KANSL1: variants seen among roughly 807,000 people sequenced by gnomAD.
The protein encoded by KANSL1 is KAT8 regulatory NSL complex subunit 1.
KANSL1 carries 22 observed loss-of-function variants against 103.6 expected under a neutral mutation model. That is an observed-to-expected ratio of 0.21 (90% CI 0.15 to 0.30). The LOEUF (loss-of-function observed/expected upper bound fraction) is 0.30, where lower values mean the gene tolerates loss of function less well. KANSL1 is among the 10% of genes least tolerant of loss of function. KANSL1 has a pLI of 1.00. For missense variants in KANSL1, 1,337 were observed against 1,399.8 expected, an observed-to-expected ratio of 0.96 and a Z score of 0.72; for synonymous variants, 600 against 527.6, an observed-to-expected ratio of 1.14 and a Z score of -1.88.
At chr17:46,103,786 G>A (rs2042418021) in intron 2 of KANSL1, among the ~76,000 whole-genome samples, 1 of 152,230 alleles carries the variant, frequency 6.6e-6, no homozygotes, top group Non-Finnish European at 1.5e-5. Flanking sequence ...AGCACTTTGG[G>A]AGGCTGAGGT....
At chr17:46,191,653 C>T (rs1471945895) in intron 1 of KANSL1, among the ~76,000 whole-genome samples, 2 of 152,168 alleles carry the variant, frequency 1.3e-5, no homozygotes, top group Non-Finnish European at 2.9e-5. Context: ...AAATGTTCTC[C>T]GACTCTAAAA....
At chr17:46,161,812 G>A (rs1028212528) in intron 2 of KANSL1, among the ~76,000 whole-genome samples, 2 of 151,980 alleles carry the variant, frequency 1.3e-5, no homozygotes, top group Non-Finnish European at 2.9e-5. Flanking sequence ...TCTTACCTGA[G>A]TTCTGAATAT....
At chr17:46,215,933 C>T (rs931469607) in intron 1 of KANSL1, among the ~76,000 whole-genome samples, 10 of 152,004 alleles carry the variant, frequency 6.6e-5, no homozygotes, top group Middle Eastern at 3.4e-3. Flanking sequence ...CCCAGCTACC[C>T]GGAGGCTGAG....
chr17:46,068,574 AT>A (rs2078464855), intron 4 of KANSL1, among the ~76,000 whole-genome samples: 1 of 152,102 alleles, frequency 6.6e-6, no homozygotes, highest in African/African-American at 2.4e-5. Flanking sequence ...GTCTCAATGA[AT>A]AAATAAATAA....
At chr17:46,135,850 G>A (rs1165068292) in intron 2 of KANSL1, among the ~76,000 whole-genome samples, 3 of 151,966 alleles carry the variant, frequency 2.0e-5, no homozygotes, top group Non-Finnish European at 4.4e-5. Flanking sequence ...ATCTTAAAAT[G>A]TCTCAGTGAC....
chr17:46,177,640 T>C (rs574158945), intron 1 of KANSL1, among the ~76,000 whole-genome samples: 1 of 152,246 alleles, frequency 6.6e-6, no homozygotes, highest in Non-Finnish European at 1.5e-5. Flanking sequence ...AAGATTCTTT[T>C]GTCTTTTGTT....
chr17:46,114,126 C>T (rs1250687345), intron 2 of KANSL1, among the ~76,000 whole-genome samples: 4 of 152,106 alleles, frequency 2.6e-5, no homozygotes, highest in Admixed American at 6.5e-5. Flanking sequence ...AATGGGAGGC[C>T]GAGTAGGGCA....
intron 3 of KANSL1, 34 bp from the exon 4 acceptor site, chr17:46,082,576 G>C (rs368985159): frequency 1.0e-4 from 129 of 1,275,530 alleles, no homozygotes; most frequent in Non-Finnish European, 1.4e-4. Context: ...TAGCATAAGT[G>C]AGCAGTATAA....
chr17:46,098,308 C>T (rs2042167261), intron 2 of KANSL1, among the ~76,000 whole-genome samples: 2 of 152,108 alleles, frequency 1.3e-5, no homozygotes. Context: ...ACTACCACCA[C>T]ACCAGGTCCC....
intron 1 of KANSL1, among the ~76,000 whole-genome samples, chr17:46,175,177 C>T (rs779049799): frequency 6.6e-5 from 10 of 151,962 alleles, no homozygotes; most frequent in Non-Finnish European, 1.5e-4. Flanking sequence ...GATGGTAGGC[C>T]CTACAGGACC....
intron 4 of KANSL1, among the ~76,000 whole-genome samples, chr17:46,070,045 G>A (rs56318865): frequency 0.14 from 21,805 of 152,170 alleles, 2,135 homozygotes; most frequent in Non-Finnish European, 0.22. Flanking sequence ...AAGCAACACG[G>A]TATTAAGCAG....
At chr17:46,046,484 C>T (rs1342730435) in intron 7 of KANSL1, among the ~76,000 whole-genome samples, 3 of 138,936 alleles carry the variant, frequency 2.2e-5, no homozygotes, top group Admixed American at 7.8e-5. Flanking sequence ...GAGCCAAAAA[C>T]CACACCACTG....
intron 2 of KANSL1, among the ~76,000 whole-genome samples, chr17:46,139,296 CA>C (rs370375207): frequency 1.9e-3 from 260 of 139,356 alleles, no homozygotes; most frequent in Middle Eastern, 3.7e-3. Context: ...TTTCATAGGC[CA>C]AAAAAAAAAA....
At chr17:46,059,647 A>AGAGAGAGAG (rs149985527) in intron 6 of KANSL1, among the ~76,000 whole-genome samples, 4,860 of 54,244 alleles carry the variant, frequency 0.09, 160 homozygotes, top group Non-Finnish European at 0.1. Flanking sequence ...AAAAAAAAAA[A>AGAGAGAGAG]AGAGAGAGAG....
At chr17:46,207,234 G>A (rs11654982) in intron 1 of KANSL1, among the ~76,000 whole-genome samples, 45,672 of 150,188 alleles carry the variant, frequency 0.3, 8,410 homozygotes, top group South Asian at 0.6. Flanking sequence ...TGATTGGGCC[G>A]GGTGCGGTGG....
At chr17:46,164,632 C>T (rs1293048607) in intron 2 of KANSL1, among the ~76,000 whole-genome samples, 2 of 152,236 alleles carry the variant, frequency 1.3e-5, no homozygotes, top group Non-Finnish European at 1.5e-5. Flanking sequence ...AGAACCAAAG[C>T]TTTAAGTCAC....
At chr17:46,218,781 T>C (rs1475118406) in intron 1 of KANSL1, among the ~76,000 whole-genome samples, 3 of 145,872 alleles carry the variant, frequency 2.1e-5, no homozygotes, top group Non-Finnish European at 4.5e-5. Flanking sequence ...AGACTCCATC[T>C]CAAAAAAAAA....
At chr17:46,104,610 T>C (rs966495869) in intron 2 of KANSL1, among the ~76,000 whole-genome samples, 18 of 152,168 alleles carry the variant, frequency 1.2e-4, no homozygotes, top group African/African-American at 4.1e-4. Context: ...ATATAAACAA[T>C]ATGAGAGAGT....
intron 8 of KANSL1, 41 bp from the exon 9 acceptor site, chr17:46,039,256 C>A (rs2077242647): frequency 6.7e-7 from 1 of 1,503,444 alleles, no homozygotes; most frequent in Non-Finnish European, 8.9e-7. Context: ...AATATGTCCT[C>A]TCAAATATTT....
Sources: allele counts gnomAD v4.1 joint callset (sites outside exome capture counted in the v4.1 genomes callset), GRCh38; gene constraint gnomAD v4.1.1; transcripts MANE v1.5; gene names NCBI Gene and HGNC (gene_info 2026-07-23, HGNC 2026-07-21).